The following TEC variants were observed in gnomAD, a reference collection of about 807,000 sequenced individuals.
The protein encoded by TEC is tyrosine-protein kinase Tec.
In TEC, 72 loss-of-function variants were observed where a neutral mutation model predicts 93.0. The ratio of observed to expected loss-of-function variants is 0.77; its 90% confidence interval spans 0.64 to 0.94. The LOEUF is 0.94. Ranked by LOEUF, TEC falls within the 40% of genes least tolerant of loss-of-function variation. The pLI is 0.00. For synonymous variants in TEC, 249 were observed against 247.7 expected (o/e 1.01, Z -0.05); for missense variants, 630 against 757.9 (o/e 0.83, Z 1.98).
intron 14 of TEC, among the ~76,000 whole-genome samples, chr4:48,144,331 C>A (rs1158444305): frequency 6.6e-6 from 1 of 152,204 alleles, no homozygotes; most frequent in Admixed American, 6.5e-5. Flanking sequence ...AAATTACACT[C>A]TTCTTGGTAA....
chr4:48,235,459 T>C (rs1358225128), intron 1 of TEC, among the ~76,000 whole-genome samples: 3 of 152,208 alleles, frequency 2.0e-5, no homozygotes, highest in Non-Finnish European at 4.4e-5. Context: ...TGTTCTACTC[T>C]TCTACCCTAA....
chr4:48,268,869 T>C (rs1156316188), intron 1 of TEC, among the ~76,000 whole-genome samples: 1 of 152,236 alleles, frequency 6.6e-6, no homozygotes, highest in Non-Finnish European at 1.5e-5. Context: ...GAATCAAATA[T>C]TCCAGTTTCC....
chr4:48,140,269 CT>C (rs71200933), intron 15 of TEC, among the ~76,000 whole-genome samples: 6 of 152,190 alleles, frequency 3.9e-5, no homozygotes, highest in Non-Finnish European at 7.4e-5. Flanking sequence ...TACCCTGGCG[CT>C]TTTTCCGTTC....
chr4:48,268,932 T>C (rs1281525937), intron 1 of TEC, among the ~76,000 whole-genome samples: 1 of 152,156 alleles, frequency 6.6e-6, no homozygotes, highest in African/African-American at 2.4e-5. Flanking sequence ...ACCACCATGT[T>C]ACACGTCCAC....
At chr4:48,169,483 T>TAGAACTGAGGGCTAGATGGACTG (rs1426831345) in intron 5 of TEC, among the ~76,000 whole-genome samples, 28 of 152,132 alleles carry the variant, frequency 1.8e-4, no homozygotes, top group Non-Finnish European at 4.0e-4. Context: ...CCAGGACTCA[T>TAGAACTGAGGGCTAGATGGACTG]AGAACTGAGG....
chr4:48,194,033 G>A (rs1201687393), intron 2 of TEC, among the ~76,000 whole-genome samples: 4 of 152,092 alleles, frequency 2.6e-5, no homozygotes, highest in African/African-American at 9.7e-5. Context: ...GCCCAAGGGG[G>A]AACACCATTC....
rs189889414 is a variant in TEC at position 48,169,533 on chromosome 4, C to A, written c.454+715G>T. Among the ~76,000 whole-genome samples the A allele has an allele frequency of 1.4e-3, 214 of 152,218 alleles. 1 individual carries two copies. The highest frequency in any genetic ancestry group is 4.9e-3 in the African/African-American group (203 of 41,540). On this transcript the variant is annotated intron_variant, in intron 5 of 17. Transcript: ENST00000381501. The stretch of plus-strand genomic sequence containing the variant: ...GAAGGTCATCTGATCTGGCCTCGTT[C>A]ATAATACAGCATCCCTGCCAAGTAG...
At chr4:48,265,245 GATTTTA>G (rs1724602085) in intron 1 of TEC, among the ~76,000 whole-genome samples, 1 of 151,340 alleles carries the variant, frequency 6.6e-6, no homozygotes, top group Admixed American at 6.6e-5. Context: ...TAGAGATTTT[GATTTTA>G]AATATTCATG....
chr4:48,264,069 A>T (rs1246728650), intron 1 of TEC, among the ~76,000 whole-genome samples: 1 of 152,160 alleles, frequency 6.6e-6, no homozygotes. Flanking sequence ...CAATAAAGAA[A>T]TTTTTTTATT....
chr4:48,156,722 T>C lies in TEC; in HGVS notation c.750A>G (p.Arg250=). 1.2e-6 allele frequency: 2 copies of C among 1,611,328 alleles called. No individual in the cohort carries two copies. Among genetic ancestry groups the C allele is most frequent in the Non-Finnish European group, 1.7e-6 (2 of 1,179,170 alleles). ...GCTCTGCCTTGCTTCTATTCATATT[T>C]CTGCAATACCATCTGAACAGAAAAA... is the stretch of plus-strand genomic sequence containing the variant. The part of the protein sequence containing the change: ...NNLDQYEWYC[R]NMNRSKAEQL... The change falls in exon 9 of 18, where the codon AGA becomes AGG. Residue 250 remains arginine, a synonymous_variant. Coordinates refer to ENST00000381501, the MANE Select transcript of TEC (RefSeq NM_003215.3).
intron 2 of TEC, among the ~76,000 whole-genome samples, chr4:48,193,688 A>G (rs1722175685): frequency 6.6e-6 from 1 of 151,910 alleles, no homozygotes; most frequent in Non-Finnish European, 1.5e-5. Context: ...TTAGGTTTCT[A>G]TGGTTAATAC....
chr4:48,172,252 G>T (rs34546932), intron 3 of TEC, among the ~76,000 whole-genome samples: 16 of 139,584 alleles, frequency 1.1e-4, no homozygotes, highest in Non-Finnish European at 2.0e-4. Flanking sequence ...ATTCTTCATG[G>T]TCAGTCACAA....
At chr4:48,243,529 T>C (rs961898948) in intron 1 of TEC, among the ~76,000 whole-genome samples, 3 of 152,200 alleles carry the variant, frequency 2.0e-5, no homozygotes, top group African/African-American at 7.2e-5. Context: ...CTGTATTGGT[T>C]CACATTTACA....
At chr4:48,216,452 T>C (rs1293308486) in intron 2 of TEC, among the ~76,000 whole-genome samples, 1 of 152,084 alleles carries the variant, frequency 6.6e-6, no homozygotes, top group Non-Finnish European at 1.5e-5. Context: ...GTTCATAGCA[T>C]AAAAGGAGAA....
intron 1 of TEC, among the ~76,000 whole-genome samples, chr4:48,237,511 T>C (rs981664968): frequency 3.9e-5 from 6 of 152,040 alleles, no homozygotes; most frequent in African/African-American, 1.5e-4. Flanking sequence ...TATTATGGAA[T>C]GGACTATAGT....
intron 2 of TEC, among the ~76,000 whole-genome samples, chr4:48,176,997 CCATT>C (rs1352052185): frequency 6.6e-6 from 1 of 152,168 alleles, no homozygotes; most frequent in African/African-American, 2.4e-5. Flanking sequence ...CAGAAAGCTT[CCATT>C]CAGAGTCTAT....
intron 2 of TEC, among the ~76,000 whole-genome samples, chr4:48,228,159 A>G (rs1723536665): frequency 6.6e-6 from 1 of 152,248 alleles, no homozygotes; most frequent in African/African-American, 2.4e-5. Context: ...TACAATTTAT[A>G]TTTGCTAAAG....
At chr4:48,256,386 C>G (rs985904517) in intron 1 of TEC, among the ~76,000 whole-genome samples, 7 of 150,994 alleles carry the variant, frequency 4.6e-5, no homozygotes, top group African/African-American at 7.3e-5. Flanking sequence ...GAGTTCGAGA[C>G]CAGTTTGGGC....
intron 3 of TEC, among the ~76,000 whole-genome samples, chr4:48,172,887 C>T (rs915563570): frequency 1.9e-4 from 29 of 152,206 alleles, no homozygotes; most frequent in African/African-American, 6.5e-4. Context: ...AACTATGCAC[C>T]GTGAACTAGT....
Sources: allele counts gnomAD v4.1 joint callset (sites outside exome capture counted in the v4.1 genomes callset), GRCh38; gene constraint gnomAD v4.1.1; transcripts MANE v1.5; gene names NCBI Gene and HGNC (gene_info 2026-07-23, HGNC 2026-07-21).